MMP8: variants seen among roughly 807,000 people sequenced by gnomAD.
MMP8 encodes the protein neutrophil collagenase.
Under a neutral mutation model 51.2 loss-of-function variants are expected in MMP8, and 67 were observed. The ratio of observed to expected loss-of-function variants is 1.31; its 90% CI spans 1.08 to 1.60. The LOEUF (loss-of-function observed/expected upper bound fraction) is 1.60, where lower values mean the gene tolerates loss of function less well. Ranked by LOEUF, MMP8 falls within the 40% of genes most tolerant of loss-of-function variation. The pLI, the probability that MMP8 is intolerant of heterozygous loss-of-function variation, is 0.00. For synonymous variants in MMP8, 225 were observed against 191.0 expected (o/e 1.18, Z -1.47); for missense variants, 654 against 558.1 (o/e 1.17, Z -1.73).
At chr11:102,721,026 G>C (rs190591820) in intron 4 of MMP8, among the ~76,000 whole-genome samples, 1 of 152,164 alleles carries the variant, frequency 6.6e-6, no homozygotes, top group African/African-American at 2.4e-5. Context: ...AATGATCCAT[G>C]TTGCAATTAC....
At chr11:102,721,370 CTG>C (rs1565440757) in intron 4 of MMP8, 29 bp downstream of exon 4, 1 of 1,611,978 alleles carries the variant, frequency 6.2e-7, no homozygotes, top group African/African-American at 1.3e-5. Flanking sequence ...AATTCAGAAG[CTG>C]TGTGTGGACA....
Position 102,713,358 on chromosome 11 carries a change from C to T in MMP8, c.1394G>A (p.Arg465Lys), listed in dbSNP as rs763116215. The stretch of plus-strand genomic sequence containing the variant: ...ACATTTGATTTTGCTTCAGCCATAT[C>T]TACAGTTAAGCCATTTATTGCCTCT... ...VARGNKWLNC[R>K]YG Residue 465 changes from arginine to lysine, a missense_variant, in exon 10 of 10, where the codon AGA becomes AAA. Coordinates refer to ENST00000236826, the MANE Select transcript of MMP8 (RefSeq NM_002424.3). 6.2e-7 allele frequency: 1 copy of T among 1,611,210 alleles called. No individual in the cohort carries two copies. Among genetic ancestry groups the T allele is most frequent in the South Asian group, 1.1e-5 (1 of 90,992 alleles).
At chr11:102,713,925 T>C (rs1023917384) in intron 8 of MMP8, 68 bp from the exon 9 acceptor site, 2 of 1,104,972 alleles carry the variant, frequency 1.8e-6, no homozygotes, top group East Asian at 2.5e-5. Flanking sequence ...TTTTTTTTAT[T>C]GTATATAATT....
intron 4 of MMP8, among the ~76,000 whole-genome samples, chr11:102,718,925 A>G (rs1327619152): frequency 6.6e-6 from 1 of 152,122 alleles, no homozygotes; most frequent in Non-Finnish European, 1.5e-5. Flanking sequence ...CATTCCCACA[A>G]TCACCATCTC....
In MMP8 at chr11:102,721,662, T is replaced by G; in HGVS notation, c.448A>C (p.Arg150=). The G allele has an allele frequency of 2.5e-6, 4 of 1,613,938 alleles. No individual in the cohort carries two copies. Among genetic ancestry groups the G allele is most frequent in the Non-Finnish European group, 2.5e-6 (3 of 1,179,880 alleles). Residue 150 remains arginine, a synonymous_variant, in exon 3 of 10, where the codon AGG becomes CGG. Coordinates refer to ENST00000236826, the MANE Select transcript of MMP8 (RefSeq NM_002424.3). The part of the protein sequence containing the change: ...WSVASPLIFT[R]ISQGEADINI... ...ATATCTGCCTCTCCCTGTGAGATCC[T>G]GGTGAAGATGAGAGGTGATGCAACA...
chr11:102,722,437 C>A lies in MMP8; in HGVS notation c.339G>T (p.Leu113Phe). 1 of 1,613,628 alleles carries A rather than the reference C, an allele frequency of 6.2e-7. No individual in the cohort carries two copies. The highest frequency in any genetic ancestry group is 8.5e-7 in the Non-Finnish European group (1 of 1,179,744). Reference sequence around the variant, plus strand: ...AACCCTAGAGATATCACCTGTAGGTCAAGTTAGTGCGTTCCCACTTGGGGT... The same window carrying A: ...AACCCTAGAGATATCACCTGTAGGTAAAGTTAGTGCGTTCCCACTTGGGGT... Reference protein sequence around the residue: ...PGNPKWERTNLTYRIRNYTPQ... With the variant: ...PGNPKWERTNFTYRIRNYTPQ... The change falls in exon 2 of 10, where the codon TTG (leucine) becomes TTT (phenylalanine). Residue 113 changes from leucine to phenylalanine, a missense_variant. Physicochemically the swap from Leu to Phe is conservative, Grantham distance 22. Coordinates refer to ENST00000236826, the MANE Select transcript of MMP8 (RefSeq NM_002424.3).
chr11:102,719,027 G>C (rs1015764047), intron 4 of MMP8, among the ~76,000 whole-genome samples: 1 of 152,178 alleles, frequency 6.6e-6, no homozygotes, highest in Non-Finnish European at 1.5e-5. Context: ...GCCTCAGATG[G>C]AGGGCTGGCT....
At position 102,714,461 on chromosome 11, in the gene MMP8, C is replaced by T. The variant is rs985454425; in HGVS notation, c.1190+95G>A. 2.9e-5 allele frequency: 23 copies of T among 783,980 alleles called. No individual in the cohort carries two copies. The African/African-American group carries it at 4.2e-4, about 14-fold the overall frequency. 48.6% of individuals were successfully genotyped at this position (783,980 alleles called of 1,614,324 possible). A position where few individuals can be genotyped will look rare whatever the true frequency, so the allele number is the denominator to read the frequency against. On this transcript the variant is annotated intron_variant, in intron 8 of 9. Transcript: ENST00000236826. Reference sequence around the variant, plus strand: ...CTCGGTAAAACCTATTAGAGACTATCTAGATTGTTTTAAACCTTGAAATGC... The same window carrying T: ...CTCGGTAAAACCTATTAGAGACTATTTAGATTGTTTTAAACCTTGAAATGC...
At position 102,718,685 on chromosome 11, in the gene MMP8, T is replaced by G. The variant is rs1861380138; in HGVS notation, c.623-110A>C. On this transcript the variant is annotated intron_variant, in intron 4 of 9. Coordinates refer to ENST00000236826, the MANE Select transcript of MMP8 (RefSeq NM_002424.3). ...TCAAAACTGCTCAGGGAAATAGCCC[T>G]TCCCATGGCTGTCTTTTTCATCTTT... The G allele has an allele frequency of 6.0e-6, 7 of 1,157,494 alleles. No individual in the cohort carries two copies. The Admixed American group carries it at 1.6e-4, about 26-fold the overall frequency. 71.7% of individuals were successfully genotyped at this position (1,157,494 alleles called of 1,614,324 possible).
Position 102,714,650 on chromosome 11 carries a change from A to T in MMP8, c.1096T>A (p.Ser366Thr). Residue 366 changes from serine to threonine, a missense_variant, in exon 8 of 10, where the codon TCA becomes ACA. Transcript: ENST00000236826. Reference sequence around the variant, plus strand: ...ACGCTGCTGGGGAAGCCATAGTTTGATATATCCTTGGGATAACCTTGCAGA... The same window carrying T: ...ACGCTGCTGGGGAAGCCATAGTTTGTTATATCCTTGGGATAACCTTGCAGA... ...DILQGYPKDI[S>T]NYGFPSSVQA... 2 of 1,556,566 alleles carry T rather than the reference A, an allele frequency of 1.3e-6. No individual in the cohort carries two copies. The highest frequency in any genetic ancestry group is 8.7e-7 in the Non-Finnish European group (1 of 1,154,706).
intron 8 of MMP8, 133 bp downstream of exon 8, chr11:102,714,423 A>G (rs1205765860): frequency 1.8e-6 from 1 of 545,912 alleles, no homozygotes; most frequent in Non-Finnish European, 2.8e-6. Context: ...CATCCTGTAA[A>G]AAAGAATATA....
At position 102,718,554 on chromosome 11, in the gene MMP8, G is replaced by T. The variant is rs1565439113; in HGVS notation, c.644C>A (p.Ala215Asp). Residue 215 changes from alanine to aspartate, a missense_variant, in exon 5 of 10, where the codon GCT becomes GAT. Transcript: ENST00000236826. Reference protein sequence around the residue: ...TSANYNLFLVAAHEFGHSLGL... With the variant: ...TSANYNLFLVDAHEFGHSLGL... ...CAAAGAATGGCCAAATTCATGAGCAGCAACAAGAAACAAGTTGTAATCTGA... is the reference window on the plus strand; with the variant it reads ...CAAAGAATGGCCAAATTCATGAGCATCAACAAGAAACAAGTTGTAATCTGA... The T allele has an allele frequency of 1.2e-6, 2 of 1,613,898 alleles. No homozygotes were observed. Among genetic ancestry groups the T allele is most frequent in the Admixed American group, 3.3e-5 (2 of 59,974 alleles).
chr11:102,713,245 C>T lies in MMP8; in HGVS notation c.*103G>A. The T allele has an allele frequency of 1.3e-6, 1 of 759,060 alleles. No individual in the cohort carries two copies. The highest frequency in any genetic ancestry group is 2.3e-6 in the Non-Finnish European group (1 of 435,992). 47.0% of individuals were successfully genotyped at this position (759,060 alleles called of 1,614,324 possible). On this transcript the variant is annotated 3_prime_UTR_variant, in exon 10 of 10. Transcript: ENST00000236826. Reference sequence around the variant, plus strand: ...TGGATACAGTGATGGGAAACAATGACTTAATATTGAGAAAAGTATAAGCAG... The same window carrying T: ...TGGATACAGTGATGGGAAACAATGATTTAATATTGAGAAAAGTATAAGCAG...
intron 1 of MMP8, chr11:102,723,948 G>T: frequency 3.0e-6 from 1 of 329,612 alleles, no homozygotes; most frequent in Non-Finnish European, 6.4e-6. Context: ...TTTTGTCTCT[G>T]AAATGAAAAT....
rs58072368 is a variant in MMP8 at position 102,717,282 on chromosome 11, T to C, written c.785-863A>G. Among the ~76,000 whole-genome samples the C allele has an allele frequency of 6.4e-3, 980 of 152,348 alleles. 15 individuals are homozygous for C. Among genetic ancestry groups the C allele is most frequent in the African/African-American group, 0.022 (935 of 41,578 alleles). On this transcript the variant is annotated intron_variant, in intron 5 of 9. Coordinates refer to ENST00000236826, the MANE Select transcript of MMP8 (RefSeq NM_002424.3). Reference sequence around the variant, plus strand: ...ACAGAAGGGCAAGCGTGAAGAGAGATGTAATGGTCTTATCCAGGCAATATG... The same window carrying C: ...ACAGAAGGGCAAGCGTGAAGAGAGACGTAATGGTCTTATCCAGGCAATATG...
intron 2 of MMP8, among the ~76,000 whole-genome samples, chr11:102,722,111 A>C (rs1861490960): frequency 1.3e-5 from 2 of 152,258 alleles, no homozygotes; most frequent in South Asian, 4.1e-4. Flanking sequence ...AGATGTATGA[A>C]AGGAGGGACT....
rs763486837 is a variant in MMP8, at chr11:102,721,646, T to C, written c.464A>G (p.Glu155Gly). ...PLIFTRISQG[E>G]ADINIAFYQR... ...GTAAAAAGCAATGTTGATATCTGCC[T>C]CTCCCTGTGAGATCCTGGTGAAGAT... The change falls in exon 3 of 10, where the codon GAG (glutamate) becomes GGG (glycine). Residue 155 changes from glutamate (E) to glycine (G), a missense_variant. Glu to Gly is a moderately conservative substitution (Grantham distance 98). Transcript: ENST00000236826. 5.6e-6 allele frequency: 9 copies of C among 1,613,712 alleles called. No individual in the cohort carries two copies. The highest frequency in any genetic ancestry group is 7.6e-6 in the Non-Finnish European group (9 of 1,179,848).
chr11:102,721,409 G>A lies in MMP8; in HGVS notation c.614C>T (p.Thr205Ile). Residue 205 changes from threonine to isoleucine, a missense_variant, in exon 4 of 10, where the codon ACC becomes ATC. By Grantham distance (89) the Thr-to-Ile change is moderately conservative. Coordinates refer to ENST00000236826, the MANE Select transcript of MMP8 (RefSeq NM_002424.3). The part of the protein sequence containing the change: ...HFDAEETWTN[T>I]SANYNLFLVA... ...AATCTTGATTAACTTACTTGCGGAG[G>A]TGTTGGTCCATGTTTCTTCGGCATC... is the stretch of plus-strand genomic sequence containing the variant. 2 of 1,613,678 alleles carry A rather than the reference G, an allele frequency of 1.2e-6. No individual in the cohort carries two copies. The highest frequency in any genetic ancestry group is 1.7e-6 in the Non-Finnish European group (2 of 1,179,762).
At chr11:102,716,703 A>G (rs1394535980) in intron 5 of MMP8, among the ~76,000 whole-genome samples, 3 of 152,120 alleles carry the variant, frequency 2.0e-5, no homozygotes, top group African/African-American at 7.2e-5. Flanking sequence ...TAAATTCTAA[A>G]CTAATTCTTC....
Sources: gnomAD v4.1 joint callset for allele counts (sites outside exome capture counted in the v4.1 genomes callset) on GRCh38, gnomAD v4.1.1 for gene constraint, MANE v1.5 for transcripts, NCBI Gene and HGNC (gene_info 2026-07-23, HGNC 2026-07-21) for gene names.